The following PLLP variants were observed in gnomAD, a reference collection of about 807,000 sequenced individuals.
The protein encoded by PLLP is plasmolipin, also known as plasma membrane proteolipid (plasmolipin).
In PLLP, 15 loss-of-function variants were observed where a neutral mutation model predicts 19.7. The observed-to-expected ratio is 0.76, with a 90% CI of 0.51 to 1.17. The LOEUF (loss-of-function observed/expected upper bound fraction) is 1.17, where lower values mean the gene tolerates loss of function less well. Ranked by LOEUF, PLLP falls within the 50% of genes most tolerant of loss-of-function variation. The probability of loss-of-function intolerance (pLI) is 0.00; values close to 1 mark genes in which losing one functional copy is unlikely to be tolerated. For synonymous variants in PLLP, 111 were observed against 116.3 expected (o/e 0.95, Z 0.29); for missense variants, 255 against 258.3 (o/e 0.99, Z 0.09).
intron 1 of PLLP, among the ~76,000 whole-genome samples, chr16:57,283,304 T>C (rs865930985): frequency 6.6e-6 from 1 of 151,780 alleles, no homozygotes; most frequent in Non-Finnish European, 1.5e-5. Flanking sequence ...TGAAATGAGA[T>C]AGCACTGACC....
Position 57,256,924 on chromosome 16 carries a change from C to T in PLLP, c.538G>A (p.Gly180Ser), listed in dbSNP as rs768060925. The stretch of plus-strand genomic sequence containing the variant: ...GTGGCACAGGTGGTTTAGGCATAGC[C>T]GCCAGCCATCTGACTGGTGGCCGCA... Reference protein sequence around the residue: ...SNAATSQMAGGYA With the variant: ...SNAATSQMAGSYA Residue 180 changes from glycine to serine, a missense_variant, in exon 4 of 4, where the codon GGC (glycine) becomes AGC (serine). Physicochemically the swap from Gly to Ser is moderately conservative, Grantham distance 56. Coordinates refer to ENST00000219207, the MANE Select transcript of PLLP (RefSeq NM_015993.3). 64 of 1,611,276 alleles carry T rather than the reference C, an allele frequency of 4.0e-5. No homozygotes were observed. Among genetic ancestry groups the T allele is most frequent in the Non-Finnish European group, 5.1e-5 (60 of 1,178,070 alleles).
chr16:57,264,729 G>A (rs1354296220), intron 1 of PLLP, among the ~76,000 whole-genome samples: 1 of 152,158 alleles, frequency 6.6e-6, no homozygotes, highest in Non-Finnish European at 1.5e-5. Context: ...TGCACCTGTG[G>A]TCCCAGCTAC....
intron 1 of PLLP, among the ~76,000 whole-genome samples, chr16:57,264,234 C>T (rs1270381433): frequency 6.6e-6 from 1 of 152,214 alleles, no homozygotes; most frequent in African/African-American, 2.4e-5. Flanking sequence ...CCTCAGCCCT[C>T]ACAACCCTCC....
intron 1 of PLLP, among the ~76,000 whole-genome samples, chr16:57,274,136 A>G (rs1482485315): frequency 2.0e-5 from 3 of 151,794 alleles, no homozygotes; most frequent in Admixed American, 2.0e-4. Context: ...GGCGCACACA[A>G]CCATACCTGG....
chr16:57,264,753 T>C (rs12932277), intron 1 of PLLP, among the ~76,000 whole-genome samples: 1 of 151,978 alleles, frequency 6.6e-6, no homozygotes. Flanking sequence ...GGAGGCTGAG[T>C]GGGGAGGATC....
intron 1 of PLLP, among the ~76,000 whole-genome samples, chr16:57,272,818 C>T (rs2146446675): frequency 6.6e-6 from 1 of 152,168 alleles, no homozygotes; most frequent in Admixed American, 6.6e-5. Flanking sequence ...ATTAGCCAGG[C>T]ATGGGGTGCA....
chr16:57,284,495 C>A lies in PLLP; in HGVS notation c.46G>T (p.Ala16Ser). ...SKVSTRTSSP[A>S]QGAEASVSAL... ...GACACCGAGGCTTCGGCGCCCTGCG[C>A]AGGACTGCTGGTCCGCGTGCTAACT... is the stretch of plus-strand genomic sequence containing the variant. Residue 16 changes from alanine (A) to serine (S), a missense_variant, in exon 1 of 4, where the codon GCG (alanine) becomes TCG (serine). Physicochemically the swap from Ala to Ser is moderately conservative, Grantham distance 99. Coordinates refer to ENST00000219207, the MANE Select transcript of PLLP (RefSeq NM_015993.3). The A allele has an allele frequency of 7.0e-7, 1 of 1,431,426 alleles. No individual in the cohort carries two copies. Among genetic ancestry groups the A allele is most frequent in the Non-Finnish European group, 9.2e-7 (1 of 1,084,122 alleles). The allele number at this position is 1,431,426 out of a possible 1,614,324, so 88.7% of individuals were successfully genotyped here. A position where few individuals can be genotyped will look rare whatever the true frequency, so the allele number is the denominator to read the frequency against.
intron 2 of PLLP, 78 bp downstream of exon 2, chr16:57,261,819 C>T (rs200312722): frequency 1.5e-6 from 2 of 1,351,390 alleles, no homozygotes; most frequent in Non-Finnish European, 2.1e-6. Context: ...GGCCACCCCC[C>T]CACACCCTGC....
At chr16:57,281,026 T>C (rs1384464222) in intron 1 of PLLP, among the ~76,000 whole-genome samples, 2 of 152,214 alleles carry the variant, frequency 1.3e-5, no homozygotes. Context: ...TTCCATTTTC[T>C]CATTTATTTC....
intron 1 of PLLP, among the ~76,000 whole-genome samples, chr16:57,271,438 G>T (rs772607184): frequency 6.6e-6 from 1 of 152,144 alleles, no homozygotes; most frequent in Admixed American, 6.5e-5. Flanking sequence ...GAGGTCAGGC[G>T]TTCCAGACCA....
chr16:57,258,664 G>A, intron 2 of PLLP, 80 bp from the exon 3 acceptor site: 1 of 1,423,480 alleles, frequency 7.0e-7, no homozygotes, highest in Non-Finnish European at 9.8e-7. Context: ...GTTCACACCT[G>A]TAATCCCAGC....
chr16:57,276,299 A>G (rs1447397846), intron 1 of PLLP, among the ~76,000 whole-genome samples: 1 of 152,034 alleles, frequency 6.6e-6, no homozygotes, highest in Non-Finnish European at 1.5e-5. Flanking sequence ...TCTACTAAAA[A>G]TATAAAAATT....
At chr16:57,263,412 A>AT (rs2075447813) in intron 1 of PLLP, 2 of 152,290 alleles carry the variant, frequency 1.3e-5, no homozygotes, top group African/African-American at 4.8e-5. Flanking sequence ...GGGCAAGTGT[A>AT]TAACCACCCT....
intron 1 of PLLP, among the ~76,000 whole-genome samples, chr16:57,277,353 G>A (rs1339253364): frequency 6.6e-6 from 1 of 152,234 alleles, no homozygotes; most frequent in African/African-American, 2.4e-5. Context: ...ACTCTGGGAG[G>A]CCGAGGCGGG....
rs751274703 is a variant in PLLP at position 57,258,472 on chromosome 16, G to A, written c.422C>T (p.Ala141Val). Residue 141 changes from alanine (A) to valine (V), a missense_variant, in exon 3 of 4, where the codon GCG (alanine) becomes GTG (valine). Ala to Val is a moderately conservative substitution (Grantham distance 64, BLOSUM62 0). Transcript: ENST00000219207. ...GGGAAGCAGACTCACCGAGGCAGCC[G>A]CGCGCTGGTTATAAGGCCGGGTGCC... is the stretch of plus-strand genomic sequence containing the variant. Reference protein sequence around the residue: ...LRGTRPYNQRAAASFFACLVM... With the variant: ...LRGTRPYNQRVAASFFACLVM... The A allele has an allele frequency of 1.1e-5, 17 of 1,610,912 alleles. No individual in the cohort carries two copies. Among genetic ancestry groups the A allele is most frequent in the Middle Eastern group, 1.7e-4 (1 of 6,046 alleles).
In PLLP at chr16:57,256,535, G is replaced by A. The variant is rs143608264; in HGVS notation, c.*378C>T. 7.3e-3 allele frequency: 1,565 copies of A among 214,070 alleles called. 5 individuals carry two copies. The highest frequency in any genetic ancestry group is 0.017 in the Middle Eastern group (11 of 654). The allele number at this position is 214,070 out of a possible 1,614,324, so 13.3% of individuals were successfully genotyped here. On this transcript the variant is annotated 3_prime_UTR_variant, in exon 4 of 4. Coordinates refer to ENST00000219207, the MANE Select transcript of PLLP (RefSeq NM_015993.3). ...GTGTTGCTTGTTAGGCTTATACTAC[G>A]GCGGGTCTGGGGCTGCAGGTCTGGA...
intron 1 of PLLP, among the ~76,000 whole-genome samples, chr16:57,269,142 C>A (rs1395221059): frequency 6.6e-6 from 1 of 152,168 alleles, no homozygotes; most frequent in Non-Finnish European, 1.5e-5. Flanking sequence ...CCCCCTGGCA[C>A]AATGGAAGCA....
At chr16:57,264,717 G>GGTGC (rs1437464498) in intron 1 of PLLP, among the ~76,000 whole-genome samples, 1 of 152,118 alleles carries the variant, frequency 6.6e-6, no homozygotes, top group Non-Finnish European at 1.5e-5. Context: ...GTGTGGTGAT[G>GGTGC]GTGCACCTGT....
intron 1 of PLLP, among the ~76,000 whole-genome samples, chr16:57,276,637 A>T (rs949966783): frequency 7.9e-5 from 12 of 151,946 alleles, no homozygotes; most frequent in African/African-American, 2.7e-4. Context: ...ATAACACTAC[A>T]TTGACCTATC....
Sources: gnomAD v4.1 joint callset for allele counts (sites outside exome capture counted in the v4.1 genomes callset) on GRCh38, gnomAD v4.1.1 for gene constraint, MANE v1.5 for transcripts, NCBI Gene and HGNC (gene_info 2026-07-23, HGNC 2026-07-21) for gene names.